Variants in MADD observed in about 807,000 individuals in gnomAD.
MADD encodes the protein MAP kinase-activating death domain protein.
A neutral mutation model predicts 176.7 loss-of-function variants in MADD; 109 were observed. The observed-to-expected ratio is 0.62, with a 90% CI of 0.53 to 0.72. MADD has a LOEUF of 0.72. MADD is among the 30% of genes least tolerant of loss of function. The pLI is 0.00. For synonymous variants in MADD, 771 were observed against 771.3 expected (o/e 1.00, Z 0.01); for missense variants, 1,914 against 2,045.5 (o/e 0.94, Z 1.24).
At chr11:47,300,686 CAG>C (rs2077067614) in intron 22 of MADD, among the ~76,000 whole-genome samples, 1 of 152,060 alleles carries the variant, frequency 6.6e-6, no homozygotes. Flanking sequence ...TTAGTAGAGA[CAG>C]AGTTTCACCA....
chr11:47,302,983 G>A (rs1294715650), intron 22 of MADD, among the ~76,000 whole-genome samples: 2 of 151,904 alleles, frequency 1.3e-5, no homozygotes, highest in Admixed American at 6.6e-5. Flanking sequence ...ACTTCCAGAT[G>A]TAGGACTCCC....
intron 22 of MADD, among the ~76,000 whole-genome samples, chr11:47,302,203 G>A (rs1451918102): frequency 1.3e-5 from 2 of 151,878 alleles, no homozygotes; most frequent in African/African-American, 2.4e-5. Context: ...TACTTTCTTT[G>A]TCTCTTTTTA....
At chr11:47,274,675 G>A (rs1388649838) in exon 3 of MADD, 10 of 1,614,168 alleles carry the variant, frequency 6.2e-6, no homozygotes, top group African/African-American at 1.3e-5. Flanking sequence ...CTGCCAGCCC[G>A]AGGGCTGCCT....
chr11:47,276,583 C>T (rs758198972), intron 4 of MADD, 149 bp from the exon 5 acceptor site: 44 of 847,940 alleles, frequency 5.2e-5, no homozygotes, highest in Non-Finnish European at 7.6e-5. Context: ...TGGGAGGTGG[C>T]AGGCATGGTG....
intron 32 of MADD, 124 bp downstream of exon 36, chr11:47,328,828 A>G (rs984864713): frequency 1.6e-5 from 21 of 1,285,960 alleles, no homozygotes; most frequent in East Asian, 9.7e-5. Flanking sequence ...TTTGTTGCCA[A>G]AGGTTCAACT....
intron 27 of MADD, among the ~76,000 whole-genome samples, chr11:47,322,659 G>A (rs1037547280): frequency 4.6e-5 from 7 of 152,002 alleles, no homozygotes; most frequent in Non-Finnish European, 1.0e-4. Flanking sequence ...TGAACAAGAA[G>A]GTGTCAAAGA....
In MADD at chr11:47,273,831, C is replaced by A. The variant is rs2047258302; in HGVS notation, c.-84C>A. 3 of 1,243,370 alleles carry A rather than the reference C, an allele frequency of 2.4e-6. No homozygotes were observed. The highest frequency in any genetic ancestry group is 3.5e-5 in the Admixed American group (2 of 57,180). 77.0% of individuals were successfully genotyped at this position (1,243,370 alleles called of 1,614,324 possible). A position where few individuals can be genotyped will look rare whatever the true frequency, so the allele number is the denominator to read the frequency against. On this transcript the variant is annotated 5_prime_UTR_variant, in exon 2 of 33. Coordinates refer to ENST00000402192, the Ensembl canonical transcript of MADD. ...CAGTACTTTTTTTCCTATTAGACTT[C>A]GATTTTCAGAATTCCTCCTGGGAAT...
At position 47,316,050 on chromosome 11, in the gene MADD, G is replaced by C. The variant is rs1056556825; in HGVS notation, c.4197+723G>C. ...TTTCACCATGTTCGTTGGCCAGGCT[G>C]GTCTTGAACTCCTGACCTCAAGTGA... On this transcript the variant is annotated intron_variant, in intron 27 of 32. Transcript: ENST00000402192. 5.9e-5 allele frequency among the ~76,000 whole-genome samples: 9 copies of C among 151,950 alleles called. 1 individual carries two copies. Among genetic ancestry groups the C allele is most frequent in the Admixed American group, 2.0e-4 (3 of 15,236 alleles).
chr11:47,278,915 A>G, intron 6 of MADD, 84 bp from the exon 7 acceptor site: 2 of 1,095,742 alleles, frequency 1.8e-6, no homozygotes, highest in Non-Finnish European at 2.8e-6. Flanking sequence ...TAATGTATAT[A>G]CGTCCTCTTA....
chr11:47,316,182 T>TA (rs937743620), intron 27 of MADD, among the ~76,000 whole-genome samples: 10 of 152,158 alleles, frequency 6.6e-5, no homozygotes, highest in African/African-American at 2.4e-4. Flanking sequence ...CGCACACACA[T>TA]ATACATAAAG....
intron 22 of MADD, 53 bp downstream of exon 24, chr11:47,296,108 G>A (rs2071449614): frequency 6.3e-7 from 1 of 1,581,890 alleles, no homozygotes. Flanking sequence ...GGGGAGGGAA[G>A]CAGGCAAGAA....
At position 47,324,317 on chromosome 11, in the gene MADD, G is replaced by T. The variant is rs753960989; in HGVS notation, c.4415G>T (p.Arg1472Leu). The change falls in exon 29 of 33, where the codon CGA becomes CTA. Residue 1472 changes from arginine (R) to leucine (L), a missense_variant. Around this residue, in one of 2 missense-constraint regions of MADD, gnomAD observed 147 missense variants for 209.5 expected, o/e 0.70. Transcript: ENST00000402192. ...GACAGCATGGAGCGCGCTGCCGCCC[G>T]ACAGCAAAGCATCAAACCCGGTGAG... 8 of 1,614,196 alleles carry T rather than the reference G, an allele frequency of 5.0e-6. No homozygotes were observed. Among genetic ancestry groups the T allele is most frequent in the Non-Finnish European group, 6.8e-6 (8 of 1,180,012 alleles).
chr11:47,328,914 T>G (rs1365981364), intron 32 of MADD, 132 bp from the exon 37 acceptor site: 1 of 986,784 alleles, frequency 1.0e-6, no homozygotes, highest in Non-Finnish European at 1.6e-6. Context: ...GACAGCTTCC[T>G]TGCTTGGAGC....
chr11:47,271,020 A>G (rs1962322199), intron 1 of MADD: 1 of 152,264 alleles, frequency 6.6e-6, no homozygotes, highest in Non-Finnish European at 1.5e-5. Flanking sequence ...GTTGGTTAGC[A>G]TGGCTATTTC....
chr11:47,306,943 GGGTGCAGTCATGGCTT>G (rs1252453783), intron 22 of MADD, among the ~76,000 whole-genome samples: 3 of 152,208 alleles, frequency 2.0e-5, no homozygotes, highest in South Asian at 2.1e-4. Flanking sequence ...CTGCAGTGCA[GGGTGCAGTCATGGCTT>G]GGTGCAGTCA....
At chr11:47,304,541 T>G (rs1286732196) in intron 22 of MADD, among the ~76,000 whole-genome samples, 1 of 152,024 alleles carries the variant, frequency 6.6e-6, no homozygotes, top group African/African-American at 2.4e-5. Flanking sequence ...TCTATTGTAT[T>G]TTTTAAACTT....
intron 19 of MADD, 122 bp from the exon 21 acceptor site, chr11:47,292,420 CT>C: frequency 1.2e-6 from 1 of 812,894 alleles, no homozygotes; most frequent in Admixed American, 1.9e-5. Context: ...ATCTTTGTAT[CT>C]CTTGGTTGGT....
intron 22 of MADD, among the ~76,000 whole-genome samples, chr11:47,299,593 T>G (rs1397824413): frequency 1.8e-5 from 1 of 56,880 alleles, no homozygotes; most frequent in African/African-American, 9.5e-5. Context: ...GGCTTTTTTT[T>G]TTTTTTTTTT....
chr11:47,317,990 G>A (rs1438343618), intron 27 of MADD, among the ~76,000 whole-genome samples: 4 of 151,994 alleles, frequency 2.6e-5, no homozygotes, highest in South Asian at 2.1e-4. Flanking sequence ...GGGTGGTCTC[G>A]CACTCCTGAC....
Sources: gnomAD v4.1 joint callset for allele counts (sites outside exome capture counted in the v4.1 genomes callset) on GRCh38, gnomAD v4.1.1 for gene constraint, gnomAD v4.1.1 regional missense constraint, MANE v1.5 for transcripts, NCBI Gene and HGNC (gene_info 2026-07-23, HGNC 2026-07-21) for gene names.